Variants in SLC2A13 observed in about 807,000 individuals in gnomAD.
The protein encoded by SLC2A13 is solute carrier family 2 member 13, also known as proton myo-inositol cotransporter.
SLC2A13 carries 32 observed loss-of-function variants against 64.4 expected under a neutral mutation model. The observed-to-expected ratio is 0.50, with a 90% CI of 0.37 to 0.67. The LOEUF is 0.67. SLC2A13 is among the 30% of genes least tolerant of loss of function. The pLI is 0.00. For missense variants in SLC2A13, 743 were observed against 829.2 expected (o/e 0.90, Z 1.28); for synonymous variants, 338 against 327.1 (o/e 1.03, Z -0.36).
At chr12:40,048,255 T>A in intron 1 of SLC2A13, 45 bp from the exon 2 acceptor site, 2 of 1,555,612 alleles carry the variant, frequency 1.3e-6, no homozygotes, top group Non-Finnish European at 1.7e-6. Context: ...TACTCAAGAT[T>A]TCTGTTGCAA....
At chr12:39,996,159 G>A (rs1378856094) in intron 3 of SLC2A13, among the ~76,000 whole-genome samples, 5 of 152,170 alleles carry the variant, frequency 3.3e-5, no homozygotes, top group African/African-American at 9.7e-5. Flanking sequence ...AGAACTTATT[G>A]CGGAATGGAG....
intron 2 of SLC2A13, among the ~76,000 whole-genome samples, chr12:40,042,429 T>C (rs958485300): frequency 2.0e-5 from 3 of 152,144 alleles, no homozygotes; most frequent in African/African-American, 4.8e-5. Context: ...TTCAGGTTCC[T>C]AGGGAGGTAT....
intron 3 of SLC2A13, among the ~76,000 whole-genome samples, chr12:39,993,176 A>G (rs567981238): frequency 1.2e-4 from 18 of 152,350 alleles, no homozygotes; most frequent in African/African-American, 4.3e-4. Context: ...GTTTTATTTC[A>G]TCTCTGTATC....
chr12:39,896,592 A>G (rs974158314), intron 4 of SLC2A13, among the ~76,000 whole-genome samples: 1 of 151,124 alleles, frequency 6.6e-6, no homozygotes. Flanking sequence ...ATATATGTAT[A>G]CATATATGTA....
chr12:39,810,789 T>A (rs1942133998), intron 7 of SLC2A13, among the ~76,000 whole-genome samples: 1 of 152,130 alleles, frequency 6.6e-6, no homozygotes, highest in South Asian at 2.1e-4. Flanking sequence ...TGAATACAGA[T>A]GTTAAATCAA....
At chr12:39,789,555 T>C (rs997237374) in intron 7 of SLC2A13, among the ~76,000 whole-genome samples, 8 of 152,152 alleles carry the variant, frequency 5.3e-5, no homozygotes, top group Admixed American at 5.2e-4. Context: ...CTAATAAATA[T>C]GGGAAAACAG....
In SLC2A13 at chr12:39,906,689, A is replaced by G. The variant is rs138046561; in HGVS notation, c.1035-34728T>C. Among the ~76,000 whole-genome samples the G allele has an allele frequency of 3.3e-5, 5 of 152,256 alleles. No individual in the cohort carries two copies. The East Asian group carries it at 9.6e-4, about 29-fold the overall frequency. On this transcript the variant is annotated intron_variant, in intron 4 of 9. Transcript: ENST00000280871. ...GGAGGCAGAAAATCTCAGTTGCATT[A>G]TTCAGGCCATGTAAATATTAAATCA... is the stretch of plus-strand genomic sequence containing the variant.
chr12:39,765,566 A>G (rs559941219), intron 7 of SLC2A13, among the ~76,000 whole-genome samples: 1 of 151,928 alleles, frequency 6.6e-6, no homozygotes, highest in African/African-American at 2.4e-5. Context: ...GTCTCCTTCA[A>G]CCTCTATCTT....
chr12:39,988,439 T>C (rs1947066714), intron 3 of SLC2A13, among the ~76,000 whole-genome samples: 1 of 151,524 alleles, frequency 6.6e-6, no homozygotes, highest in African/African-American at 2.4e-5. Context: ...TTGTGTGAGT[T>C]ATCTTTCATG....
chr12:39,908,628 G>C (rs939014755), intron 4 of SLC2A13, among the ~76,000 whole-genome samples: 2 of 151,910 alleles, frequency 1.3e-5, no homozygotes, highest in African/African-American at 4.8e-5. Flanking sequence ...GAGGTGAGAT[G>C]AAAGTCATAA....
At chr12:39,764,193 T>C (rs1330845995) in intron 9 of SLC2A13, among the ~76,000 whole-genome samples, 1 of 151,980 alleles carries the variant, frequency 6.6e-6, no homozygotes, top group African/African-American at 2.4e-5. Context: ...CCTGGGGAGA[T>C]AGCTGGGAGA....
intron 4 of SLC2A13, among the ~76,000 whole-genome samples, chr12:39,880,190 C>A (rs769655463): frequency 6.6e-6 from 1 of 152,152 alleles, no homozygotes; most frequent in Non-Finnish European, 1.5e-5. Context: ...TTTGTAGAAC[C>A]ATAAGCCAAG....
intron 4 of SLC2A13, among the ~76,000 whole-genome samples, chr12:39,917,155 A>AAGG (rs1945533636): frequency 6.6e-6 from 1 of 152,126 alleles, no homozygotes; most frequent in South Asian, 2.1e-4. Context: ...CAAATTTGAT[A>AAGG]AGGACTGCAG....
At chr12:40,067,734 G>A (rs935432166) in intron 1 of SLC2A13, among the ~76,000 whole-genome samples, 2 of 151,912 alleles carry the variant, frequency 1.3e-5, no homozygotes, top group African/African-American at 4.8e-5. Flanking sequence ...ATCTATTCAG[G>A]ACTGCAGAAA....
intron 1 of SLC2A13, among the ~76,000 whole-genome samples, chr12:40,057,754 T>C (rs1269796329): frequency 1.3e-5 from 2 of 152,172 alleles, no homozygotes; most frequent in Non-Finnish European, 2.9e-5. Flanking sequence ...GTTGGAACAC[T>C]ATGCCTGAAT....
At chr12:40,038,771 G>GGGGAAAGGGAAAGGGAAA in intron 2 of SLC2A13, among the ~76,000 whole-genome samples, 1 of 146,086 alleles carries the variant, frequency 6.8e-6, no homozygotes, top group East Asian at 2.0e-4. Flanking sequence ...GGAAAGGGAA[G>GGGGAAAGGGAAAGGGAAA]GGGAAAGGGA....
intron 7 of SLC2A13, among the ~76,000 whole-genome samples, chr12:39,825,263 T>C (rs1424325492): frequency 6.6e-6 from 1 of 152,112 alleles, no homozygotes; most frequent in African/African-American, 2.4e-5. Flanking sequence ...AGGTTTTGTA[T>C]ATATGGAGAG....
intron 6 of SLC2A13, among the ~76,000 whole-genome samples, chr12:39,845,143 C>G (rs903249820): frequency 6.6e-6 from 1 of 151,836 alleles, no homozygotes; most frequent in African/African-American, 2.4e-5. Flanking sequence ...TTGTGATGGG[C>G]AGTCACGTTG....
At chr12:40,029,790 A>C (rs1410192801) in intron 2 of SLC2A13, among the ~76,000 whole-genome samples, 1 of 152,200 alleles carries the variant, frequency 6.6e-6, no homozygotes, top group Non-Finnish European at 1.5e-5. Flanking sequence ...TGAATGGCTA[A>C]ATGAATCAGT....
Sources: allele counts gnomAD v4.1 joint callset (sites outside exome capture counted in the v4.1 genomes callset), GRCh38; gene constraint gnomAD v4.1.1; transcripts MANE v1.5; gene names NCBI Gene and HGNC (gene_info 2026-07-23, HGNC 2026-07-21).